Variants in AKAP7 observed in about 807,000 individuals in gnomAD.
AKAP7 encodes A-kinase anchoring protein 7.
Under a neutral mutation model 39.5 loss-of-function variants are expected in AKAP7, and 39 were observed. The ratio of observed to expected loss-of-function variants is 0.99; its 90% confidence interval spans 0.76 to 1.29. AKAP7 has a LOEUF of 1.29. Ranked by LOEUF, AKAP7 falls within the 50% of genes most tolerant of loss-of-function variation. AKAP7 has a pLI of 0.00. For missense variants in AKAP7, 414 were observed against 407.7 expected, an observed-to-expected ratio of 1.02 and a Z score of -0.13; for synonymous variants, 140 against 139.1, an observed-to-expected ratio of 1.01 and a Z score of -0.05.
chr6:131,217,163 T>C (rs1195119343), intron 6 of AKAP7, among the ~76,000 whole-genome samples: 1 of 152,198 alleles, frequency 6.6e-6, no homozygotes, highest in East Asian at 1.9e-4. Context: ...CCTTTTTAGC[T>C]TTAAAATATA....
At position 131,206,790 on chromosome 6, in the gene AKAP7, T is replaced by C. The variant is rs529774640; in HGVS notation, c.702+7217T>C. ...CTGTCTGTCTGTCCATCCATCCATC[T>C]ATCTATCTATCTATCTATCTCTGCA... On this transcript the variant is annotated intron_variant, in intron 6 of 7. Transcript: ENST00000431975. Among the ~76,000 whole-genome samples, 229 of 152,066 alleles carry C rather than the reference T, an allele frequency of 1.5e-3. 1 individual carries two copies. Among genetic ancestry groups the C allele is most frequent in the African/African-American group, 5.3e-3 (218 of 41,518 alleles).
Position 131,234,519 on chromosome 6 carries a change from G to A in AKAP7, c.850+14711G>A, listed in dbSNP as rs142617794. Among the ~76,000 whole-genome samples, 1,104 of 152,108 alleles carry A rather than the reference G, an allele frequency of 7.3e-3. 8 individuals are homozygous for A. The highest frequency in any genetic ancestry group is 0.01 in the Non-Finnish European group (711 of 68,006). ...AGAGATTTTCCAGGCCGAGAAAGCA[G>A]CATAAGCGACCCAGTGAAGTCTGTG... On this transcript the variant is annotated intron_variant, in intron 7 of 7. Coordinates refer to ENST00000431975, the MANE Select transcript of AKAP7 (RefSeq NM_016377.4).
chr6:131,282,549 T>C lies in AKAP7; in HGVS notation c.*823T>C, dbSNP rs1022167465. 3.3e-6 allele frequency: 5 copies of C among 1,535,762 alleles called. No individual in the cohort carries two copies. Among genetic ancestry groups the C allele is most frequent in the Non-Finnish European group, 4.4e-6 (5 of 1,146,786 alleles). On this transcript the variant is annotated 3_prime_UTR_variant, in exon 8 of 8. Coordinates refer to ENST00000431975, the MANE Select transcript of AKAP7 (RefSeq NM_016377.4). ...AGGAGGGAGCTTTTTGAAGGAAGAC[T>C]TATTAACAACAGTAATTCAGCAAAT...
chr6:131,129,709 A>C, the AKAP7 span, among the ~76,000 whole-genome samples: 1 of 152,224 alleles, frequency 6.6e-6, no homozygotes, highest in East Asian at 1.9e-4. Context: ...TAAAAATATT[A>C]TACTCAAACA....
intron 5 of AKAP7, among the ~76,000 whole-genome samples, chr6:131,195,041 T>A (rs1806790181): frequency 6.6e-6 from 1 of 152,164 alleles, no homozygotes; most frequent in African/African-American, 2.4e-5. Flanking sequence ...TTACATTCAA[T>A]GTTATTATTG....
At chr6:131,220,133 C>G (rs1015551906) in intron 7 of AKAP7, among the ~76,000 whole-genome samples, 1 of 152,138 alleles carries the variant, frequency 6.6e-6, no homozygotes, top group African/African-American at 2.4e-5. Flanking sequence ...CAGGGAAGGC[C>G]TCCATGACCT....
intron 6 of AKAP7, among the ~76,000 whole-genome samples, chr6:131,203,673 A>G (rs988644096): frequency 1.3e-5 from 2 of 152,202 alleles, no homozygotes; most frequent in Non-Finnish European, 2.9e-5. Flanking sequence ...AAACACTGCC[A>G]GTAGATCCTT....
chr6:131,188,136 G>A (rs560543960), intron 5 of AKAP7, among the ~76,000 whole-genome samples: 1 of 152,290 alleles, frequency 6.6e-6, no homozygotes, highest in South Asian at 2.1e-4. Flanking sequence ...CTACTTGTCA[G>A]TTTTACACAG....
At chr6:131,270,631 T>C (rs1457346092) in intron 7 of AKAP7, among the ~76,000 whole-genome samples, 1 of 152,210 alleles carries the variant, frequency 6.6e-6, no homozygotes, top group East Asian at 1.9e-4. Context: ...GGTCAACTTT[T>C]TATAAGAAAT....
intron 2 of AKAP7, among the ~76,000 whole-genome samples, chr6:131,151,201 C>G (rs1339771931): frequency 6.6e-6 from 1 of 151,660 alleles, no homozygotes; most frequent in Non-Finnish European, 1.5e-5. Context: ...CACCACCACA[C>G]TCAGCTAATT....
intron 6 of AKAP7, among the ~76,000 whole-genome samples, chr6:131,218,022 C>T (rs1585112595): frequency 6.6e-6 from 1 of 152,200 alleles, no homozygotes; most frequent in Admixed American, 6.5e-5. Context: ...ATAAAGTTCA[C>T]TAATGATAAT....
intron 7 of AKAP7, among the ~76,000 whole-genome samples, chr6:131,270,263 C>CTG (rs1365839200): frequency 6.6e-6 from 1 of 152,186 alleles, no homozygotes; most frequent in Non-Finnish European, 1.5e-5. Context: ...CTGGAAACCG[C>CTG]TGGTTTGTTT....
Position 131,163,901 on chromosome 6 carries a change from C to T in AKAP7, c.292-1180C>T, listed in dbSNP as rs76906411. On this transcript the variant is annotated intron_variant, in intron 3 of 7. Coordinates refer to ENST00000431975, the MANE Select transcript of AKAP7 (RefSeq NM_016377.4). ...TGACATAGCAGCATTCTTGCTCAAA[C>T]TAAATTCTACAAGGACAGAGAGAGA... 8.9e-3 allele frequency among the ~76,000 whole-genome samples: 1,356 copies of T among 151,984 alleles called. 23 individuals are homozygous for T. Among genetic ancestry groups the T allele is most frequent in the African/African-American group, 0.03 (1,260 of 41,432 alleles).
At chr6:131,201,930 C>A (rs1362883589) in intron 6 of AKAP7, among the ~76,000 whole-genome samples, 2 of 152,034 alleles carry the variant, frequency 1.3e-5, no homozygotes, top group African/African-American at 2.4e-5. Flanking sequence ...AACAAACAAC[C>A]CTATCAAAAA....
intron 5 of AKAP7, among the ~76,000 whole-genome samples, chr6:131,171,598 C>A (rs1430218601): frequency 1.3e-5 from 2 of 151,924 alleles, no homozygotes; most frequent in East Asian, 3.9e-4. Flanking sequence ...AGAATGGCGA[C>A]CAAGGGAAAT....
At chr6:131,140,812 G>C (rs1800967960) in intron 1 of AKAP7, among the ~76,000 whole-genome samples, 2 of 152,210 alleles carry the variant, frequency 1.3e-5, no homozygotes, top group African/African-American at 2.4e-5. Flanking sequence ...AAAGGTACAG[G>C]ATGTGTATTC....
chr6:131,161,983 G>A (rs951356144), intron 3 of AKAP7, among the ~76,000 whole-genome samples: 1 of 152,134 alleles, frequency 6.6e-6, no homozygotes. Context: ...ACAGATGTTC[G>A]ATGAACACCT....
intron 5 of AKAP7, among the ~76,000 whole-genome samples, chr6:131,186,765 G>T (rs1235541384): frequency 6.6e-6 from 1 of 151,838 alleles, no homozygotes; most frequent in African/African-American, 2.4e-5. Flanking sequence ...AGTGATTTAG[G>T]ACCCCAAAAT....
intron 5 of AKAP7, among the ~76,000 whole-genome samples, chr6:131,175,987 T>A (rs1202107781): frequency 6.6e-6 from 1 of 152,250 alleles, no homozygotes; most frequent in Non-Finnish European, 1.5e-5. Context: ...TCATAAAACT[T>A]CTATTAAATA....
Sources: gnomAD v4.1 joint callset for allele counts (sites outside exome capture counted in the v4.1 genomes callset) on GRCh38, gnomAD v4.1.1 for gene constraint, MANE v1.5 for transcripts, NCBI Gene and HGNC (gene_info 2026-07-23, HGNC 2026-07-21) for gene names.